Variants in LAMA4 observed in about 807,000 individuals in gnomAD.
The protein encoded by LAMA4 is laminin subunit alpha 4.
LAMA4 carries 127 observed loss-of-function variants against 207.1 expected under a neutral mutation model. That is an observed-to-expected ratio of 0.61 (90% CI 0.53 to 0.71). LAMA4 has a LOEUF of 0.71. LAMA4 is among the 30% of genes least tolerant of loss of function. The pLI is 0.00. For missense variants in LAMA4, 2,093 were observed against 2,246.5 expected, an observed-to-expected ratio of 0.93 and a Z score of 1.38; for synonymous variants, 761 against 816.0, an observed-to-expected ratio of 0.93 and a Z score of 1.15.
chr6:112,193,873 A>T (rs1476940847), intron 5 of LAMA4, among the ~76,000 whole-genome samples: 1 of 152,230 alleles, frequency 6.6e-6, no homozygotes, highest in Non-Finnish European at 1.5e-5. Flanking sequence ...TGTCCATTTT[A>T]TGTAAGACAT....
At chr6:112,221,383 TAG>T (rs549185687) in intron 2 of LAMA4, among the ~76,000 whole-genome samples, 11 of 152,300 alleles carry the variant, frequency 7.2e-5, no homozygotes, top group African/African-American at 2.2e-4. Context: ...GAATTAGACT[TAG>T]AATTTGATTC....
chr6:112,116,015 A>G (rs2114564880), intron 35 of LAMA4, 22 bp from the exon 36 acceptor site: 10 of 1,602,892 alleles, frequency 6.2e-6, no homozygotes, highest in Non-Finnish European at 8.5e-6. Context: ...AACACTATAA[A>G]CTCCCAAGAA....
chr6:112,175,570 A>G, intron 10 of LAMA4, 90 bp from the exon 11 acceptor site: 1 of 1,275,810 alleles, frequency 7.8e-7, no homozygotes, highest in Non-Finnish European at 1.1e-6. Flanking sequence ...GGCAAAGGGC[A>G]GGGCTGATCC....
intron 5 of LAMA4, among the ~76,000 whole-genome samples, chr6:112,194,849 C>A (rs1236523528): frequency 6.6e-6 from 1 of 152,118 alleles, no homozygotes; most frequent in East Asian, 1.9e-4. Flanking sequence ...CCTATTTTTT[C>A]TTCCGTAATC....
intron 2 of LAMA4, among the ~76,000 whole-genome samples, chr6:112,239,904 A>T: frequency 6.6e-6 from 1 of 152,030 alleles, no homozygotes; most frequent in East Asian, 1.9e-4. Context: ...TCTACTAAAA[A>T]CACAAAAAAA....
Position 112,158,956 on chromosome 6 carries a change from T to A in LAMA4, c.1669-76A>T, listed in dbSNP as rs1554337694. On this transcript the variant is annotated intron_variant, in intron 13 of 38. Transcript: ENST00000230538. ...ATTTTTCCTAGGCACCAAAAGATAA[T>A]CTCTGTTCTTTCTTATTATGAAGGT... 5.0e-6 allele frequency: 5 copies of A among 999,718 alleles called. No homozygotes were observed. The African/African-American group carries it at 6.5e-5, about 13-fold the overall frequency. 61.9% of individuals were successfully genotyped at this position (999,718 alleles called of 1,614,324 possible). A position where few individuals can be genotyped will look rare whatever the true frequency, so the allele number is the denominator to read the frequency against.
intron 2 of LAMA4, among the ~76,000 whole-genome samples, chr6:112,221,715 C>G (rs1164312212): frequency 1.3e-5 from 2 of 151,424 alleles, no homozygotes; most frequent in East Asian, 3.8e-4. Context: ...GGAGCTAAAA[C>G]TGTGTGCCCT....
At chr6:112,181,386 G>A (rs1292654468) in intron 9 of LAMA4, among the ~76,000 whole-genome samples, 2 of 152,122 alleles carry the variant, frequency 1.3e-5, no homozygotes, top group African/African-American at 2.4e-5. Context: ...GTTCACGAGC[G>A]TGTTTGGGAA....
rs782282590 is a variant in LAMA4 at position 112,200,188 on chromosome 6, A to C, written c.503+1420T>G. On this transcript the variant is annotated intron_variant, in intron 5 of 38. Coordinates refer to ENST00000230538, the MANE Select transcript of LAMA4 (RefSeq NM_001105206.3). ...CTGTGGAGAAGGCCTTTCTTACATG[A>C]GCAAAGCCCAGAGCAGTTTAGAAAA... The C allele has an allele frequency of 7.5e-6, 4 of 532,788 alleles. No individual in the cohort carries two copies. The East Asian group carries it at 2.2e-4, about 29-fold the overall frequency. The allele number at this position is 532,788 out of a possible 1,614,324, so 33.0% of individuals were successfully genotyped here. A position where few individuals can be genotyped will look rare whatever the true frequency, so the allele number is the denominator to read the frequency against.
At chr6:112,155,828 C>T (rs964688186) in intron 14 of LAMA4, 122 bp from the exon 15 acceptor site, 59 of 1,185,666 alleles carry the variant, frequency 5.0e-5, no homozygotes, top group Non-Finnish European at 6.7e-5. Context: ...TATTCAAAGT[C>T]ACCTAGTGTG....
At chr6:112,192,723 A>T (rs1279025442) in intron 5 of LAMA4, among the ~76,000 whole-genome samples, 1 of 152,108 alleles carries the variant, frequency 6.6e-6, no homozygotes, top group Non-Finnish European at 1.5e-5. Context: ...TGTGCACTCT[A>T]GGTGAGGCTG....
chr6:112,186,702 G>T (rs1554346748), intron 8 of LAMA4: 1 of 438,932 alleles, frequency 2.3e-6, no homozygotes, highest in Non-Finnish European at 4.5e-6. Context: ...CAATGTCAAT[G>T]CTGTGTAAAT....
At chr6:112,111,263 C>T (rs1777677394) in intron 38 of LAMA4, among the ~76,000 whole-genome samples, 1 of 152,246 alleles carries the variant, frequency 6.6e-6, no homozygotes, top group South Asian at 2.1e-4. Context: ...AGGCTGGTTT[C>T]CACCTCCTGA....
At chr6:112,210,018 C>CCT (rs142361813) in intron 3 of LAMA4, among the ~76,000 whole-genome samples, 11,463 of 148,806 alleles carry the variant, frequency 0.077, 495 homozygotes, top group Middle Eastern at 0.1. Flanking sequence ...TTGTGCTCTC[C>CCT]CTCTCTCTCT....
At chr6:112,182,510 T>C (rs782496334) in intron 9 of LAMA4, among the ~76,000 whole-genome samples, 18 of 152,236 alleles carry the variant, frequency 1.2e-4, no homozygotes, top group Non-Finnish European at 2.4e-4. Flanking sequence ...CTCCTGCCTT[T>C]TTGGCAGGAC....
At chr6:112,183,212 G>A (rs972325549) in intron 9 of LAMA4, among the ~76,000 whole-genome samples, 1 of 152,166 alleles carries the variant, frequency 6.6e-6, no homozygotes, top group African/African-American at 2.4e-5. Context: ...TTGATAGAAG[G>A]CTTTCTAAGA....
chr6:112,241,148 TGAA>T (rs1370120503), intron 2 of LAMA4, among the ~76,000 whole-genome samples: 4 of 99,654 alleles, frequency 4.0e-5, no homozygotes, highest in African/African-American at 1.4e-4. Flanking sequence ...AATATATATA[TGAA>T]TATATATATG....
chr6:112,145,004 A>G (rs1400056745), intron 18 of LAMA4, 71 bp from the exon 19 acceptor site: 1 of 1,319,682 alleles, frequency 7.6e-7, no homozygotes, highest in African/African-American at 1.5e-5. Context: ...GATGTAGACA[A>G]TAAACATGGA....
At chr6:112,180,782 A>G (rs781928712) in intron 9 of LAMA4, among the ~76,000 whole-genome samples, 6 of 152,186 alleles carry the variant, frequency 3.9e-5, no homozygotes, top group Admixed American at 2.0e-4. Flanking sequence ...TCTGGGACAC[A>G]AGCATAAACA....
Sources: gnomAD v4.1 joint callset for allele counts (sites outside exome capture counted in the v4.1 genomes callset) on GRCh38, gnomAD v4.1.1 for gene constraint, MANE v1.5 for transcripts, NCBI Gene and HGNC (gene_info 2026-07-23, HGNC 2026-07-21) for gene names.